HERPUD1: variants seen among roughly 807,000 people sequenced by gnomAD.
The protein encoded by HERPUD1 is homocysteine-responsive endoplasmic reticulum-resident ubiquitin-like domain member 1 protein.
In HERPUD1, 17 loss-of-function variants were observed where a neutral mutation model predicts 45.0. The ratio of observed to expected loss-of-function variants is 0.38; its 90% CI spans 0.26 to 0.57. The LOEUF (loss-of-function observed/expected upper bound fraction) is 0.57. Among genes scored for constraint, HERPUD1 ranks in the 20% least tolerant of loss-of-function variants. The pLI, the probability that HERPUD1 is intolerant of heterozygous loss-of-function variation, is 0.72. For synonymous variants in HERPUD1, 164 were observed against 177.5 expected, an observed-to-expected ratio of 0.92 and a Z score of 0.61; for missense variants, 420 against 490.5, an observed-to-expected ratio of 0.86 and a Z score of 1.36.
intron 6 of HERPUD1, 57 bp downstream of exon 6, chr16:56,940,302 A>G (rs991299186): frequency 1.5e-5 from 20 of 1,302,334 alleles, no homozygotes; most frequent in Admixed American, 2.1e-5. Context: ...CACTAAGCAG[A>G]TTTTGCTCTT....
rs772263766 is a variant in HERPUD1, at chr16:56,939,987, A to G, written c.647A>G (p.His216Arg). Residue 216 changes from histidine (H) to arginine (R), a missense_variant, in exon 6 of 8, where the codon CAC (histidine) becomes CGC (arginine). Coordinates refer to ENST00000439977, the MANE Select transcript of HERPUD1 (RefSeq NM_014685.4). Reference sequence around the variant, plus strand: ...TCTGCACCTGCTCCAGCCCCTATTCACAACCAGTTTCCAGCTGAAAACCAG... The same window carrying G: ...TCTGCACCTGCTCCAGCCCCTATTCGCAACCAGTTTCCAGCTGAAAACCAG... The part of the protein sequence containing the change: ...VVSAPAPAPI[H>R]NQFPAENQPA... 1 of 1,614,062 alleles carries G rather than the reference A, an allele frequency of 6.2e-7. No homozygotes were observed. The highest frequency in any genetic ancestry group is 1.3e-5 in the African/African-American group (1 of 74,916).
intron 6 of HERPUD1, chr16:56,941,903 G>T (rs2055912792): frequency 2.1e-6 from 1 of 476,038 alleles, no homozygotes; most frequent in Admixed American, 3.8e-5. Context: ...GCCAGGTGCT[G>T]TTTATATGGC....
chr16:56,938,476 T>G (rs1384103084), intron 4 of HERPUD1, among the ~76,000 whole-genome samples: 1 of 150,076 alleles, frequency 6.7e-6, no homozygotes, highest in Non-Finnish European at 1.5e-5. Flanking sequence ...GGCAGGAGAA[T>G]GGTGTGAATC....
chr16:56,935,246 C>T lies in HERPUD1; in HGVS notation c.159C>T (p.Asp53=). 6.2e-7 allele frequency: 1 copy of T among 1,613,220 alleles called. No homozygotes were observed. Among genetic ancestry groups the T allele is most frequent in the Non-Finnish European group, 8.5e-7 (1 of 1,179,198 alleles). Residue 53 remains aspartate, a synonymous_variant, in exon 2 of 8, where the codon GAC becomes GAT. Transcript: ENST00000439977. ...RVYPERPRPE[D]QRLIYSGKLL... is the part of the protein sequence containing the mutation. Reference sequence around the variant, plus strand: ...CTTTCCATGATCAGCGTCCAGAGGACCAGAGGTTAATTTATTCTGGGAAGC... The same window carrying T: ...CTTTCCATGATCAGCGTCCAGAGGATCAGAGGTTAATTTATTCTGGGAAGC...
rs747815840 is a variant in HERPUD1, at chr16:56,932,319, G to A, written c.75G>A (p.Glu25=). The part of the protein sequence containing the change: ...KSPNQRHRDL[E]LSGDRGWSVG... Reference sequence around the variant, plus strand: ...CCAACCAGCGCCACCGCGACTTGGAGCTGAGTGGCGACCGCGGCTGGAGTG... The same window carrying A: ...CCAACCAGCGCCACCGCGACTTGGAACTGAGTGGCGACCGCGGCTGGAGTG... Residue 25 remains glutamate (E), a synonymous_variant, in exon 1 of 8, where the codon GAG becomes GAA. Transcript: ENST00000439977. 1 of 1,606,682 alleles carries A rather than the reference G, an allele frequency of 6.2e-7. No individual in the cohort carries two copies. The highest frequency in any genetic ancestry group is 8.5e-7 in the Non-Finnish European group (1 of 1,178,536).
rs111662103 is a variant in HERPUD1, at chr16:56,936,437, T to C, written c.301-250T>C. 1.3e-3 allele frequency: 305 copies of C among 242,546 alleles called. 1 individual carries two copies. Among genetic ancestry groups the C allele is most frequent in the African/African-American group, 6.3e-3 (282 of 44,650 alleles). 15.0% of individuals were successfully genotyped at this position (242,546 alleles called of 1,614,324 possible). A position where few individuals can be genotyped will look rare whatever the true frequency, so the allele number is the denominator to read the frequency against. ...AGCTTTCTCACCAATGACAACTTCA[T>C]TGGAAGATTTTAATGAAAGTGTAGC... On this transcript the variant is annotated intron_variant, in intron 3 of 7. Coordinates refer to ENST00000439977, the MANE Select transcript of HERPUD1 (RefSeq NM_014685.4).
At chr16:56,934,487 TTGTC>T (rs1479441259) in intron 1 of HERPUD1, among the ~76,000 whole-genome samples, 1 of 152,054 alleles carries the variant, frequency 6.6e-6, no homozygotes, top group African/African-American at 2.4e-5. Context: ...TGCCAGGAAA[TTGTC>T]TGTGAAGGCT....
chr16:56,934,869 G>A (rs1332527826), intron 1 of HERPUD1: 2 of 227,334 alleles, frequency 8.8e-6, no homozygotes, highest in African/African-American at 2.3e-5. Flanking sequence ...AAGCCACCAC[G>A]CCCAGCTAAT....
Position 56,940,100 on chromosome 16 carries a change from G to A in HERPUD1, c.760G>A (p.Val254Met). The A allele has an allele frequency of 6.2e-7, 1 of 1,614,220 alleles. No homozygotes were observed. Among genetic ancestry groups the A allele is most frequent in the Non-Finnish European group, 8.5e-7 (1 of 1,180,038 alleles). ...GATGAATGCACAAGGTGGCCCTATT[G>A]TGGAAGAAGATGATGAAATAAATCG... Reference protein sequence around the residue: ...LRMNAQGGPIVEEDDEINRDW... With the variant: ...LRMNAQGGPIMEEDDEINRDW... Residue 254 changes from valine to methionine, a missense_variant, in exon 6 of 8, where the codon GTG (valine) becomes ATG (methionine). Transcript: ENST00000439977.
Position 56,940,035 on chromosome 16 carries a change from CTCAAGTGGTTGTTAATCCTGGAGCCAA to C in HERPUD1, c.700_726del (p.Val234_Gln242del). ...CAGCCTGCCAATCAGAATGCTGCTC[CTCAAGTGGTTGTTAATCCTGGAGCCAA>C]TCAAAATTTGCGGATGAATGCACAA... On this transcript the variant is annotated inframe_deletion, in exon 6 of 8. Coordinates refer to ENST00000439977, the MANE Select transcript of HERPUD1 (RefSeq NM_014685.4). 1 of 1,614,224 alleles carries C rather than the reference CTCAAGTGGTTGTTAATCCTGGAGCCAA, an allele frequency of 6.2e-7. No individual in the cohort carries two copies. The highest frequency in any genetic ancestry group is 8.5e-7 in the Non-Finnish European group (1 of 1,180,046).
chr16:56,939,037 T>G, intron 4 of HERPUD1, 200 bp from the exon 5 acceptor site: 1 of 600,164 alleles, frequency 1.7e-6, no homozygotes, highest in Non-Finnish European at 2.9e-6. Flanking sequence ...GGGATGGGAC[T>G]GTGGTAGAAG....
Position 56,932,167 on chromosome 16 carries a change from CAG to C in HERPUD1, c.-74_-73del, listed in dbSNP as rs1567458398. ...GCCCCAGAGACGTGAACTGTCGTTG[CAG>C]AGATTGCGGGCGGCTGAGACGCCGC... On this transcript the variant is annotated 5_prime_UTR_variant, in exon 1 of 8. Coordinates refer to ENST00000439977, the MANE Select transcript of HERPUD1 (RefSeq NM_014685.4). 3.2e-6 allele frequency: 5 copies of C among 1,563,180 alleles called. No homozygotes were observed. Among genetic ancestry groups the C allele is most frequent in the Middle Eastern group, 3.3e-4 (2 of 6,036 alleles).
chr16:56,933,921 C>T (rs1481072085), intron 1 of HERPUD1, among the ~76,000 whole-genome samples: 3 of 152,146 alleles, frequency 2.0e-5, no homozygotes, highest in East Asian at 1.9e-4. Flanking sequence ...TCCAAATTCA[C>T]GTATGTATTA....
rs1439198620 is a variant in HERPUD1, at chr16:56,940,259, T to A, written c.905+14T>A. 2.6e-6 allele frequency: 4 copies of A among 1,558,636 alleles called. No individual in the cohort carries two copies. The highest frequency in any genetic ancestry group is 2.6e-6 in the Non-Finnish European group (3 of 1,133,678). ...TGTTATGTACCTGTAAGCAGATGGT[T>A]TCTCTAATATAAATTACACTACACT... is the stretch of plus-strand genomic sequence containing the variant. On this transcript the variant is annotated intron_variant, in intron 6 of 7. Coordinates refer to ENST00000439977, the MANE Select transcript of HERPUD1 (RefSeq NM_014685.4).
intron 4 of HERPUD1, among the ~76,000 whole-genome samples, chr16:56,937,673 C>T (rs1229436526): frequency 6.6e-6 from 1 of 150,690 alleles, no homozygotes; most frequent in Middle Eastern, 3.2e-3. Context: ...GTTATTTCAT[C>T]CCTATATTCT....
chr16:56,935,747 C>A, intron 3 of HERPUD1: 3 of 436,958 alleles, frequency 6.9e-6, no homozygotes, highest in Non-Finnish European at 1.2e-5. Flanking sequence ...TACTGTGTAT[C>A]TAGATTACTG....
chr16:56,940,760 G>C (rs2055903383), intron 6 of HERPUD1: 1 of 152,056 alleles, frequency 6.6e-6, no homozygotes, highest in South Asian at 2.1e-4. Context: ...CCAGGAGTTT[G>C]AGACCATCCT....
Position 56,940,262 on chromosome 16 carries a change from T to G in HERPUD1, c.905+17T>G. The stretch of plus-strand genomic sequence containing the variant: ...TATGTACCTGTAAGCAGATGGTTTC[T>G]CTAATATAAATTACACTACACTGTG... On this transcript the variant is annotated intron_variant, in intron 6 of 7. Transcript: ENST00000439977. 6.4e-7 allele frequency: 1 copy of G among 1,557,358 alleles called. No individual in the cohort carries two copies. The highest frequency in any genetic ancestry group is 8.8e-7 in the Non-Finnish European group (1 of 1,132,726).
rs869088050 is a variant in HERPUD1 at position 56,934,702 on chromosome 16, C to CTTTTTTTTTTT, written c.148-516_148-506dup. Among the ~76,000 whole-genome samples the CTTTTTTTTTTT allele has an allele frequency of 6.5e-3, 391 of 59,910 alleles. 65 individuals are homozygous for CTTTTTTTTTTT. The highest frequency in any genetic ancestry group is 9.7e-3 in the African/African-American group (146 of 14,982). The allele number at this position is 59,910 out of a possible 152,430, so 39.3% of individuals were successfully genotyped here. A position where few individuals can be genotyped will look rare whatever the true frequency, so the allele number is the denominator to read the frequency against. ...TTTGGACTGGAGATAATTTGCCATT[C>CTTTTTTTTTTT]TTTTTTTTTTTTTTTTTTTTTTTTT... On this transcript the variant is annotated intron_variant, in intron 1 of 7. Coordinates refer to ENST00000439977, the MANE Select transcript of HERPUD1 (RefSeq NM_014685.4).
Sources: allele counts gnomAD v4.1 joint callset (sites outside exome capture counted in the v4.1 genomes callset), GRCh38; gene constraint gnomAD v4.1.1; transcripts MANE v1.5; gene names NCBI Gene and HGNC (gene_info 2026-07-23, HGNC 2026-07-21).